Variants in MBD3 observed in about 807,000 individuals in gnomAD.
MBD3 encodes methyl-CpG binding domain protein 3.
MBD3 carries 13 observed loss-of-function variants against 31.2 expected under a neutral mutation model. The ratio of observed to expected loss-of-function variants is 0.42; its 90% CI spans 0.27 to 0.66. MBD3 has a LOEUF of 0.66. MBD3 is among the 30% of genes least tolerant of loss of function. The pLI is 0.26. For missense variants in MBD3, 440 were observed against 426.5 expected, an observed-to-expected ratio of 1.03 and a Z score of -0.28; for synonymous variants, 223 against 187.4, an observed-to-expected ratio of 1.19 and a Z score of -1.55.
chr19:1,577,079 G>T lies in MBD3; in HGVS notation c.*1085C>A, dbSNP rs1917214115. On this transcript the variant is annotated 3_prime_UTR_variant, in exon 7 of 7. Coordinates refer to ENST00000434436, the MANE Select transcript of MBD3 (RefSeq NM_001281453.2). The stretch of plus-strand genomic sequence containing the variant: ...CCTGGCTGGGGCAGCACCGGGACAG[G>T]CCCTCTCTATGGGCCTAAGGTCAAT... The T allele has an allele frequency of 6.6e-6, 1 of 152,410 alleles. No homozygotes were observed. The allele number at this position is 152,410 out of a possible 1,614,324, so 9.4% of individuals were successfully genotyped here.
At position 1,581,082 on chromosome 19, in the gene MBD3, A is replaced by T. The variant is rs1917341783; in HGVS notation, c.677+10T>A. The T allele has an allele frequency of 7.4e-6, 12 of 1,614,126 alleles. No individual in the cohort carries two copies. Among genetic ancestry groups the T allele is most frequent in the Non-Finnish European group, 1.0e-5 (12 of 1,180,020 alleles). Reference sequence around the variant, plus strand: ...GGGTGGAGCAGCAGGGGACCAGGCCAAGGGGCTACCTGATGTCCTCGTCGG... The same window carrying T: ...GGGTGGAGCAGCAGGGGACCAGGCCTAGGGGCTACCTGATGTCCTCGTCGG... On this transcript the variant is annotated intron_variant, in intron 5 of 6. Transcript: ENST00000434436.
Position 1,592,585 on chromosome 19 carries a change from TC to T in MBD3, c.46del (p.Glu16ArgfsTer44). 2.1e-6 allele frequency: 3 copies of T among 1,420,932 alleles called. No homozygotes were observed. The highest frequency in any genetic ancestry group is 1.9e-6 in the Non-Finnish European group (2 of 1,063,554). The allele number at this position is 1,420,932 out of a possible 1,614,324, so 88.0% of individuals were successfully genotyped here. ...WECPALPQGW[E>X]REEVPRRSGL... Reference sequence around the variant, plus strand: ...CGACCTTCTGGGCACTTCTTCCCTCTCCCAGCCCTGCGGGAGCGCCGGGCAC... The same window carrying T: ...CGACCTTCTGGGCACTTCTTCCCTCTCCAGCCCTGCGGGAGCGCCGGGCAC... On this transcript the variant is annotated frameshift_variant, in exon 1 of 7. Transcript: ENST00000434436. LOFTEE classifies it high-confidence loss of function.
chr19:1,581,568 C>T (rs1917354944), intron 4 of MBD3: 1 of 481,244 alleles, frequency 2.1e-6, no homozygotes, highest in South Asian at 2.1e-5. Context: ...CACAGTGAGA[C>T]TCCTGTCTCT....
chr19:1,588,129 C>G (rs1440596334), intron 1 of MBD3, among the ~76,000 whole-genome samples: 1 of 152,188 alleles, frequency 6.6e-6, no homozygotes, highest in African/African-American at 2.4e-5. Context: ...TCTCTCCACC[C>G]CTGCCCCCCA....
At chr19:1,584,328 C>T (rs2060667161) in intron 3 of MBD3, among the ~76,000 whole-genome samples, 1 of 151,966 alleles carries the variant, frequency 6.6e-6, no homozygotes, top group Non-Finnish European at 1.5e-5. Context: ...GCAATCCTCC[C>T]ACCTCAGCCT....
chr19:1,582,749 C>G (rs759037652), intron 3 of MBD3, 37 bp from the exon 4 acceptor site: 1 of 1,565,546 alleles, frequency 6.4e-7, no homozygotes, highest in Admixed American at 1.7e-5. Context: ...AAGAGTGGCC[C>G]TGCCCTCTCC....
intron 1 of MBD3, among the ~76,000 whole-genome samples, chr19:1,591,215 C>G (rs2060702066): frequency 6.6e-6 from 1 of 152,214 alleles, no homozygotes; most frequent in Admixed American, 6.6e-5. Context: ...CACTGCAGAT[C>G]TCAGGACGTG....
At position 1,581,140 on chromosome 19, in the gene MBD3, G is replaced by C; in HGVS notation, c.629C>G (p.Thr210Ser). 6.2e-7 allele frequency: 1 copy of C among 1,614,164 alleles called. No individual in the cohort carries two copies. The highest frequency in any genetic ancestry group is 8.5e-7 in the Non-Finnish European group (1 of 1,180,044). Residue 210 changes from threonine to serine, a missense_variant, in exon 5 of 7, where the codon ACC becomes AGC. Physicochemically the swap from Thr to Ser is moderately conservative, Grantham distance 58. Around this residue, in one of 3 missense-constraint regions of MBD3, gnomAD observed 144 missense variants for 196.9 expected, o/e 0.73. Coordinates refer to ENST00000434436, the MANE Select transcript of MBD3 (RefSeq NM_001281453.2). ...VEKNPGVWLN[T>S]TQPLCKAFMV... ...GAAGGCTTTGCACAGGGGCTGCGTG[G>C]TGTTGAGCCATACGCCGGGGTTCTT...
intron 3 of MBD3, chr19:1,583,142 T>C (rs537813471): frequency 9.7e-6 from 2 of 206,736 alleles, no homozygotes; most frequent in South Asian, 1.5e-4. Context: ...AAGTGGAGGT[T>C]GCAGTGAGCT....
chr19:1,588,159 G>A (rs1376294006), intron 1 of MBD3, among the ~76,000 whole-genome samples: 3 of 152,148 alleles, frequency 2.0e-5, no homozygotes, highest in African/African-American at 7.2e-5. Context: ...AAATTCCATG[G>A]TCCACAAGGA....
In MBD3 at chr19:1,574,538, G is replaced by C. The variant is rs1915046608; in HGVS notation, c.*3626C>G. ...TGGCCGGTGTCAGAGCCTGGTTCCT[G>C]TTCATGGCCGAGTCCTGCTCCATGG... On this transcript the variant is annotated 3_prime_UTR_variant, in exon 7 of 7. Transcript: ENST00000434436. The C allele has an allele frequency of 2.0e-5, 3 of 152,792 alleles. No individual in the cohort carries two copies. The highest frequency in any genetic ancestry group is 4.8e-5 in the African/African-American group (2 of 41,584). 9.5% of individuals were successfully genotyped at this position (152,792 alleles called of 1,614,324 possible).
In MBD3 at chr19:1,584,772, G is replaced by A. The variant is rs2145602101; in HGVS notation, c.271-95C>T. 2.3e-6 allele frequency: 3 copies of A among 1,333,254 alleles called. No homozygotes were observed. In the South Asian group the frequency reaches 4.1e-5, roughly 18 times the overall value. 82.6% of individuals were successfully genotyped at this position (1,333,254 alleles called of 1,614,324 possible). On this transcript the variant is annotated intron_variant, in intron 2 of 6. Transcript: ENST00000434436. ...GCCCGGGTGACCCCCTGCTTTGCCG[G>A]CGCCCCTCGTGTCCCCCGCGCCCGC...
intron 1 of MBD3, among the ~76,000 whole-genome samples, chr19:1,591,548 C>T (rs563928941): frequency 1.7e-3 from 255 of 152,282 alleles, no homozygotes; most frequent in Non-Finnish European, 3.2e-3. Flanking sequence ...GGGGACCAGC[C>T]GCACACCCCC....
Position 1,592,662 on chromosome 19 carries a change from CCGCCGCCGCCGCCCGGACCCCCACT to C in MBD3, c.-56_-32del, listed in dbSNP as rs758257433. 1.7e-4 allele frequency: 158 copies of C among 910,014 alleles called. No homozygotes were observed. The highest frequency in any genetic ancestry group is 1.0e-3 in the African/African-American group (55 of 54,672). 56.4% of individuals were successfully genotyped at this position (910,014 alleles called of 1,614,324 possible). On this transcript the variant is annotated 5_prime_UTR_variant, in exon 1 of 7. Transcript: ENST00000434436. ...CCGGCTCCTCGGCCCGCCGCCGGGC[CCGCCGCCGCCGCCCGGACCCCCACT>C]CGCCGCCGCCGCCTCAGCTGCCTCC...
chr19:1,592,457 A>T, intron 1 of MBD3, 65 bp downstream of exon 1: 2 of 818,080 alleles, frequency 2.4e-6, no homozygotes, highest in Admixed American at 3.4e-5. Flanking sequence ...AGGGGCGCCG[A>T]GGCCGCCGCA....
At chr19:1,590,173 C>G (rs994286143) in intron 1 of MBD3, among the ~76,000 whole-genome samples, 2 of 152,164 alleles carry the variant, frequency 1.3e-5, no homozygotes, top group Admixed American at 1.3e-4. Flanking sequence ...TGGCAGACGC[C>G]TGTAATCCCA....
At chr19:1,590,412 AG>A (rs2060698258) in intron 1 of MBD3, among the ~76,000 whole-genome samples, 1 of 152,188 alleles carries the variant, frequency 6.6e-6, no homozygotes, top group Non-Finnish European at 1.5e-5. Context: ...GCTTGAGTCC[AG>A]GAATTCGAGA....
intron 1 of MBD3, among the ~76,000 whole-genome samples, chr19:1,586,755 C>A (rs1341429988): frequency 6.6e-6 from 1 of 151,798 alleles, no homozygotes; most frequent in African/African-American, 2.4e-5. Context: ...CAACCTCCAC[C>A]TCCCAGGTTC....
chr19:1,581,675 G>A (rs2145596705), intron 4 of MBD3: 5 of 331,402 alleles, frequency 1.5e-5, no homozygotes, highest in African/African-American at 2.2e-5. Flanking sequence ...AGCCCGGGAG[G>A]TAGAGGCTGC....
Sources: allele counts gnomAD v4.1 joint callset (sites outside exome capture counted in the v4.1 genomes callset), GRCh38; gene constraint gnomAD v4.1.1; regional missense constraint gnomAD v4.1.1; transcripts MANE v1.5; gene names NCBI Gene and HGNC (gene_info 2026-07-23, HGNC 2026-07-21).